IL7: variants seen among roughly 807,000 people sequenced by gnomAD.
The protein encoded by IL7 is interleukin-7.
IL7 carries 3 observed loss-of-function variants against 21.6 expected under a neutral mutation model. The ratio of observed to expected loss-of-function variants is 0.14; its 90% confidence interval spans 0.06 to 0.36. The LOEUF (loss-of-function observed/expected upper bound fraction) is 0.36, where lower values mean the gene tolerates loss of function less well. Ranked by LOEUF, IL7 falls within the 10% of genes least tolerant of loss-of-function variation. The pLI, the probability that IL7 is intolerant of heterozygous loss-of-function variation, is 1.00. For missense variants in IL7, 175 were observed against 200.2 expected (o/e 0.87, Z 0.76); for synonymous variants, 62 against 68.1 (o/e 0.91, Z 0.44).
chr8:78,760,445 G>A, intron 2 of IL7: 6 of 1,574,092 alleles, frequency 3.8e-6, no homozygotes, highest in Non-Finnish European at 5.2e-6. Context: ...TTCATAGATG[G>A]TGGACGGAAG....
chr8:78,696,905 TCTA>T (rs1333930672), intron 3 of IL7, among the ~76,000 whole-genome samples: 2 of 152,216 alleles, frequency 1.3e-5, no homozygotes, highest in African/African-American at 4.8e-5. Context: ...TCTAAGTTTT[TCTA>T]CTAATGTTTG....
chr8:78,719,822 T>C (rs1811204942), intron 5 of IL7: 2 of 151,816 alleles, frequency 1.3e-5, no homozygotes, highest in Admixed American at 1.3e-4. Context: ...AGGAACCTAA[T>C]GAAATATAAA....
chr8:78,694,628 A>T (rs1810339069), intron 3 of IL7, among the ~76,000 whole-genome samples: 1 of 152,044 alleles, frequency 6.6e-6, no homozygotes, highest in Admixed American at 6.5e-5. Context: ...ATGATTTTTT[A>T]TTCTTTCCTG....
chr8:78,744,234 C>T (rs1400383339), intron 2 of IL7, among the ~76,000 whole-genome samples: 1 of 151,928 alleles, frequency 6.6e-6, no homozygotes, highest in African/African-American at 2.4e-5. Flanking sequence ...TCTGAGACCT[C>T]TGTCCCAGGG....
chr8:78,686,063 G>A (rs1404376845), intron 3 of IL7: 1 of 152,326 alleles, frequency 6.6e-6, no homozygotes, highest in African/African-American at 2.4e-5. Context: ...CTGGGATAAT[G>A]GCATTAATCC....
chr8:78,763,766 C>T lies in IL7; in HGVS notation c.148-23684G>A, dbSNP rs10104836. 9.8e-3 allele frequency among the ~76,000 whole-genome samples: 1,493 copies of T among 152,258 alleles called. 20 individuals carry two copies. The highest frequency in any genetic ancestry group is 0.034 in the African/African-American group (1,433 of 41,542). On this transcript the variant is annotated intron_variant, in intron 2 of 5. Transcript: ENST00000263851. ...AGTTAAGGACAATATTGTATCAATG[C>T]TCCACACTATCTGACAGTGTGTGTA...
intron 4 of IL7, chr8:78,679,367 A>T (rs943969626): frequency 6.6e-6 from 1 of 152,200 alleles, no homozygotes; most frequent in Non-Finnish European, 1.5e-5. Context: ...TCCTTATGGC[A>T]TAGTATTTGC....
chr8:78,681,901 C>CTTTTTTTTTTTTTTTTTTT (rs56181953), intron 4 of IL7, among the ~76,000 whole-genome samples: 4 of 126,472 alleles, frequency 3.2e-5, no homozygotes, highest in Non-Finnish European at 5.1e-5. Context: ...CTTTTTCTTT[C>CTTTTTTTTTTTTTTTTTTT]TTTTTTTTTT....
rs1170304865 is a variant in IL7, at chr8:78,733,671, T to A, written c.*42A>T. ...CATAAGCAGATAGATTCTTGGAGGATGCAGCTAAAGTTCGTGTTTCTATAT... is the reference window on the plus strand; with the variant it reads ...CATAAGCAGATAGATTCTTGGAGGAAGCAGCTAAAGTTCGTGTTTCTATAT... On this transcript the variant is annotated 3_prime_UTR_variant, in exon 6 of 6. Coordinates refer to ENST00000263851, the MANE Select transcript of IL7 (RefSeq NM_000880.4). 1 of 1,582,944 alleles carries A rather than the reference T, an allele frequency of 6.3e-7. No homozygotes were observed. Among genetic ancestry groups the A allele is most frequent in the East Asian group, 2.3e-5 (1 of 43,050 alleles).
intron 4 of IL7, among the ~76,000 whole-genome samples, chr8:78,683,533 A>G (rs2130470105): frequency 6.6e-6 from 1 of 152,146 alleles, no homozygotes; most frequent in Admixed American, 6.5e-5. Flanking sequence ...CCAAATCCCT[A>G]CGCTGCACAC....
chr8:78,707,720 C>T (rs1432019638), intron 3 of IL7, among the ~76,000 whole-genome samples: 2 of 152,070 alleles, frequency 1.3e-5, no homozygotes, highest in African/African-American at 4.8e-5. Context: ...GGAAGCTTTC[C>T]AACTACTGGA....
At chr8:78,708,806 C>A (rs1810866453) in intron 3 of IL7, among the ~76,000 whole-genome samples, 1 of 151,782 alleles carries the variant, frequency 6.6e-6, no homozygotes, top group Non-Finnish European at 1.5e-5. Context: ...TCAGCCTCCC[C>A]ATTAGCTGGG....
chr8:78,707,043 C>A (rs1461251499), intron 3 of IL7, among the ~76,000 whole-genome samples: 1 of 152,010 alleles, frequency 6.6e-6, no homozygotes, highest in Non-Finnish European at 1.5e-5. Context: ...AGAAACTGAT[C>A]TGATTTATTT....
At chr8:78,784,688 T>C (rs968070993) in intron 2 of IL7, among the ~76,000 whole-genome samples, 2 of 152,046 alleles carry the variant, frequency 1.3e-5, no homozygotes, top group Non-Finnish European at 2.9e-5. Flanking sequence ...GTCTCTGTCC[T>C]AAAAATATGA....
intron 2 of IL7, among the ~76,000 whole-genome samples, chr8:78,743,496 C>G (rs917354936): frequency 4.6e-5 from 7 of 151,770 alleles, no homozygotes; most frequent in Non-Finnish European, 1.0e-4. Flanking sequence ...ATTCTTTTTT[C>G]TCTACATTTG....
At chr8:78,771,810 G>T (rs1274986439) in intron 2 of IL7, among the ~76,000 whole-genome samples, 2 of 152,042 alleles carry the variant, frequency 1.3e-5, no homozygotes, top group Admixed American at 6.6e-5. Flanking sequence ...TCTAAAAACT[G>T]CCCCCCTTTC....
chr8:78,688,424 A>G (rs766053574), intron 3 of IL7, among the ~76,000 whole-genome samples: 3 of 152,310 alleles, frequency 2.0e-5, no homozygotes, highest in South Asian at 2.1e-4. Flanking sequence ...TTTTGAGCTC[A>G]GATGAATATA....
At chr8:78,782,866 G>A (rs540881529) in intron 2 of IL7, among the ~76,000 whole-genome samples, 14 of 152,204 alleles carry the variant, frequency 9.2e-5, no homozygotes, top group African/African-American at 1.7e-4. Context: ...AGCTCTGTCC[G>A]TAAACCCCTG....
chr8:78,760,341 C>A (rs41308469), intron 2 of IL7: 7 of 1,607,388 alleles, frequency 4.4e-6, no homozygotes, highest in Non-Finnish European at 5.9e-6. Flanking sequence ...ATTTTCATAC[C>A]GCTCATTCTC....
Sources: gnomAD v4.1 joint callset for allele counts (sites outside exome capture counted in the v4.1 genomes callset) on GRCh38, gnomAD v4.1.1 for gene constraint, MANE v1.5 for transcripts, NCBI Gene and HGNC (gene_info 2026-07-23, HGNC 2026-07-21) for gene names.